Variants in SPOPL observed in about 807,000 individuals in gnomAD.
SPOPL encodes speckle type BTB/POZ protein like.
A neutral mutation model predicts 53.8 loss-of-function variants in SPOPL; 23 were observed. The ratio of observed to expected loss-of-function variants is 0.43; its 90% CI spans 0.31 to 0.61. SPOPL has a LOEUF of 0.61. Among genes scored for constraint, SPOPL ranks in the 20% least tolerant of loss-of-function variants. The pLI, the probability that SPOPL is intolerant of heterozygous loss-of-function variation, is 0.12. For synonymous variants in SPOPL, 164 were observed against 149.7 expected (o/e 1.10, Z -0.70); for missense variants, 442 against 466.9 (o/e 0.95, Z 0.49).
At chr2:138,565,976 C>T (rs955261742) in intron 10 of SPOPL, among the ~76,000 whole-genome samples, 8 of 152,022 alleles carry the variant, frequency 5.3e-5, no homozygotes, top group East Asian at 3.9e-4. Flanking sequence ...CCTCATGATC[C>T]GCCTGTCTTG....
intron 1 of SPOPL, among the ~76,000 whole-genome samples, chr2:138,538,039 A>G (rs1220170755): frequency 6.6e-6 from 1 of 152,036 alleles, no homozygotes; most frequent in Admixed American, 6.6e-5. Context: ...TTCTTCTGTT[A>G]CTGATTTATA....
At chr2:138,504,880 G>A (rs765825987) in intron 1 of SPOPL, among the ~76,000 whole-genome samples, 12 of 152,084 alleles carry the variant, frequency 7.9e-5, no homozygotes, top group Non-Finnish European at 1.8e-4. Flanking sequence ...GCACTGACAG[G>A]CAGTTTATAT....
rs1685728672 is a variant in SPOPL at position 138,569,195 on chromosome 2, G to C, written c.*115G>C. On this transcript the variant is annotated 3_prime_UTR_variant, in exon 11 of 11. Transcript: ENST00000280098. ...TTTCTGTTATTTTGTCCACAGAACA[G>C]AAGCTGAAAAAGCATATTGCTTGCA... 12 of 1,222,742 alleles carry C rather than the reference G, an allele frequency of 9.8e-6. No homozygotes were observed. The highest frequency in any genetic ancestry group is 1.4e-5 in the Non-Finnish European group (12 of 874,662). 75.7% of individuals were successfully genotyped at this position (1,222,742 alleles called of 1,614,324 possible). A position where few individuals can be genotyped will look rare whatever the true frequency, so the allele number is the denominator to read the frequency against.
chr2:138,558,664 A>C (rs988377476), intron 5 of SPOPL, among the ~76,000 whole-genome samples: 1 of 152,104 alleles, frequency 6.6e-6, no homozygotes, highest in African/African-American at 2.4e-5. Context: ...AGTGTAAGAA[A>C]ATAAAAAAAA....
intron 6 of SPOPL, 39 bp downstream of exon 6, chr2:138,559,238 A>G (rs1269747834): frequency 5.6e-6 from 9 of 1,610,588 alleles, no homozygotes; most frequent in Non-Finnish European, 5.9e-6. Context: ...ACATTTAAAA[A>G]AATGCATTTA....
chr2:138,505,594 TAAAAAAAAAAAAAAA>T (rs1169614974), intron 1 of SPOPL, among the ~76,000 whole-genome samples: 1 of 75,086 alleles, frequency 1.3e-5, no homozygotes, highest in Non-Finnish European at 2.2e-5. Flanking sequence ...GTGTCTCTTC[TAAAAAAAAAAAAAAA>T]AAAAAAAAAA....
At chr2:138,524,449 T>C (rs1026118601) in intron 1 of SPOPL, among the ~76,000 whole-genome samples, 7 of 152,270 alleles carry the variant, frequency 4.6e-5, no homozygotes, top group Non-Finnish European at 8.8e-5. Flanking sequence ...TCATTACTTA[T>C]GCAAATTTCT....
At chr2:138,552,365 T>C (rs1393604232) in intron 4 of SPOPL, among the ~76,000 whole-genome samples, 189 bp from the exon 5 acceptor site, 1 of 152,070 alleles carries the variant, frequency 6.6e-6, no homozygotes, top group Non-Finnish European at 1.5e-5. Flanking sequence ...TGAGTAGGCA[T>C]ATGGAGTTAC....
chr2:138,527,281 G>T (rs895191042), intron 1 of SPOPL, among the ~76,000 whole-genome samples: 4 of 151,954 alleles, frequency 2.6e-5, no homozygotes, highest in African/African-American at 9.7e-5. Flanking sequence ...AAATAATCTT[G>T]TGTTTTTCTC....
At chr2:138,502,924 T>C (rs1033641471) in intron 1 of SPOPL, among the ~76,000 whole-genome samples, 3 of 152,208 alleles carry the variant, frequency 2.0e-5, no homozygotes, top group African/African-American at 7.2e-5. Context: ...CTTTCGCTTG[T>C]CTCTTTCCTG....
intron 5 of SPOPL, among the ~76,000 whole-genome samples, chr2:138,555,133 T>G (rs1207737067): frequency 2.4e-5 from 2 of 83,256 alleles, no homozygotes; most frequent in South Asian, 3.4e-4. Flanking sequence ...GGTAGGAGGG[T>G]GTGTGTGTGT....
Position 138,522,612 on chromosome 2 carries a change from A to AT in SPOPL, c.-61+20502dup, listed in dbSNP as rs201205172. 5.3e-4 allele frequency among the ~76,000 whole-genome samples: 80 copies of AT among 151,264 alleles called. 1 individual carries two copies. Among genetic ancestry groups the AT allele is most frequent in the African/African-American group, 1.8e-3 (73 of 41,216 alleles). On this transcript the variant is annotated intron_variant, in intron 1 of 10. Transcript: ENST00000280098. The stretch of plus-strand genomic sequence containing the variant: ...GAATATTTTTTCCTGTCCTTAGCCA[A>AT]TTTTTTTTTCTTGAAGGTTCAGCTG...
At chr2:138,562,880 G>C (rs964594587) in intron 8 of SPOPL, among the ~76,000 whole-genome samples, 1 of 151,666 alleles carries the variant, frequency 6.6e-6, no homozygotes, top group South Asian at 2.1e-4. Flanking sequence ...GTGATGTTAG[G>C]TTAGGCAGAG....
chr2:138,564,085 A>G (rs1476900439), intron 8 of SPOPL, among the ~76,000 whole-genome samples: 2 of 152,204 alleles, frequency 1.3e-5, no homozygotes, highest in African/African-American at 4.8e-5. Flanking sequence ...AGCATATCAG[A>G]GGTATCACCT....
rs1427480521 is a variant in SPOPL, at chr2:138,570,688, A to G, written c.*1608A>G. 1 of 152,274 alleles carries G rather than the reference A, an allele frequency of 6.6e-6. No individual in the cohort carries two copies. The highest frequency in any genetic ancestry group is 3.4e-3 in the Middle Eastern group (1 of 294). The allele number at this position is 152,274 out of a possible 1,614,324, so 9.4% of individuals were successfully genotyped here. A position where few individuals can be genotyped will look rare whatever the true frequency, so the allele number is the denominator to read the frequency against. On this transcript the variant is annotated 3_prime_UTR_variant, in exon 11 of 11. Coordinates refer to ENST00000280098, the MANE Select transcript of SPOPL (RefSeq NM_001001664.3). ...AAAATTTGTATAATTTGTTTATTTA[A>G]TGTTTGAATTCAGGACAAAAGAAAA...
At chr2:138,558,107 GC>G (rs1300053647) in intron 5 of SPOPL, among the ~76,000 whole-genome samples, 1 of 152,086 alleles carries the variant, frequency 6.6e-6, no homozygotes, top group Non-Finnish European at 1.5e-5. Context: ...GTTGCAGTGA[GC>G]CGAGATCACT....
chr2:138,548,239 C>CTTTTTTTTTT (rs34021497), intron 1 of SPOPL, among the ~76,000 whole-genome samples: 1 of 89,016 alleles, frequency 1.1e-5, no homozygotes, highest in African/African-American at 4.5e-5. Context: ...TGAAGGTAAA[C>CTTTTTTTTTT]TTTTTTTTTT....
chr2:138,554,571 C>G (rs1451616301), intron 5 of SPOPL: 1 of 1,229,764 alleles, frequency 8.1e-7, no homozygotes, highest in Non-Finnish European at 1.1e-6. Flanking sequence ...TTGCACAAAG[C>G]GTAACTTAAT....
chr2:138,525,196 G>T (rs781648870), intron 1 of SPOPL, among the ~76,000 whole-genome samples: 3 of 152,204 alleles, frequency 2.0e-5, no homozygotes, highest in African/African-American at 4.8e-5. Flanking sequence ...GTCTCACATG[G>T]TGGCAGACAA....
Sources: gnomAD v4.1 joint callset for allele counts (sites outside exome capture counted in the v4.1 genomes callset) on GRCh38, gnomAD v4.1.1 for gene constraint, MANE v1.5 for transcripts, NCBI Gene and HGNC (gene_info 2026-07-23, HGNC 2026-07-21) for gene names.